POLG: variants seen among roughly 807,000 people sequenced by gnomAD.
The protein encoded by POLG is DNA polymerase gamma, catalytic subunit.
A neutral mutation model predicts 155.4 loss-of-function variants in POLG; 110 were observed. The ratio of observed to expected loss-of-function variants is 0.71; its 90% CI spans 0.61 to 0.83. POLG has a LOEUF of 0.83. Among genes scored for constraint, POLG ranks in the 40% least tolerant of loss-of-function variants. The probability of loss-of-function intolerance (pLI) is 0.00; values close to 1 mark genes in which losing one functional copy is unlikely to be tolerated. For synonymous variants in POLG, 701 were observed against 631.5 expected (o/e 1.11, Z -1.65); for missense variants, 1,685 against 1,627.5 (o/e 1.04, Z -0.61).
intron 6 of POLG, among the ~76,000 whole-genome samples, chr15:89,327,849 T>C (rs1241635505): frequency 1.3e-5 from 2 of 152,218 alleles, no homozygotes; most frequent in Non-Finnish European, 2.9e-5. Context: ...AGGATAGATA[T>C]CTTTATGATG....
At position 89,321,824 on chromosome 15, in the gene POLG, T is replaced by C. The variant is rs778190998; in HGVS notation, c.2510A>G (p.Tyr837Cys). 2.2e-5 allele frequency: 35 copies of C among 1,613,692 alleles called. 1 individual carries two copies. Among genetic ancestry groups the C allele is most frequent in the South Asian group, 6.6e-5 (6 of 91,076 alleles). Residue 837 changes from tyrosine (Y) to cysteine (C), a missense_variant, in exon 16 of 23, where the codon TAT becomes TGT. Tyr to Cys is a radical substitution (Grantham distance 194). This residue lies in a region of POLG where 1,210 missense variants were observed against 1,167.1 expected (regional missense o/e 1.04). Transcript: ENST00000268124. ...RHPDYDEEGL[Y>C]GAILPQVVTA... ...CACCACTTGGGGCAGGATGGCCCCA[T>C]AGAGGCCTTCCTCATCATAGTCGGG...
At chr15:89,325,326 CCT>C (rs2055499981) in intron 10 of POLG, 122 bp downstream of exon 10, 1 of 684,662 alleles carries the variant, frequency 1.5e-6, no homozygotes, top group Admixed American at 2.2e-5. Context: ...TAATTTTTTT[CCT>C]GTTTTCCCTT....
At position 89,317,439 on chromosome 15, in the gene POLG, T is replaced by C. The variant is rs751698400; in HGVS notation, c.3580A>G (p.Thr1194Ala). 6.2e-7 allele frequency: 1 copy of C among 1,614,078 alleles called. No homozygotes were observed. Among genetic ancestry groups the C allele is most frequent in the Non-Finnish European group, 8.5e-7 (1 of 1,179,958 alleles). The change falls in exon 22 of 23, where the codon ACC (threonine) becomes GCC (alanine). Residue 1194 changes from threonine to alanine, a missense_variant. Physicochemically the swap from Thr to Ala is moderately conservative, Grantham distance 58 (BLOSUM62 0). Transcript: ENST00000268124. Reference sequence around the variant, plus strand: ...TTGGAAGGGGTTTTACAATCCATGGTCACTTCCTTCCTGAGGCACCGGTCA... The same window carrying C: ...TTGGAAGGGGTTTTACAATCCATGGCCACTTCCTTCCTGAGGCACCGGTCA... ...DIDRCLRKEV[T>A]MDCKTPSNPT... is the part of the protein sequence containing the mutation.
chr15:89,330,170 G>A lies in POLG; in HGVS notation c.766C>T (p.Pro256Ser). 1 of 1,613,870 alleles carries A rather than the reference G, an allele frequency of 6.2e-7. No individual in the cohort carries two copies. The highest frequency in any genetic ancestry group is 8.5e-7 in the Non-Finnish European group (1 of 1,179,908). The part of the protein sequence containing the change: ...PLEVPTGASS[P>S]TQRDWQEQLV... The stretch of plus-strand genomic sequence containing the variant: ...TGCTCCTGCCAGTCTCTCTGGGTGG[G>A]GCTGCTGGCACCAGTAGGGACCTCC... Residue 256 changes from proline (P) to serine (S), a missense_variant, in exon 3 of 23, where the codon CCC (proline) becomes TCC (serine). Pro to Ser is a moderately conservative substitution (Grantham distance 74, BLOSUM62 -1). Transcript: ENST00000268124.
rs2307429 is a variant in POLG, at chr15:89,323,863, G to A, written c.2109C>T (p.Ala703=). 9.7e-5 allele frequency: 156 copies of A among 1,614,060 alleles called. No individual in the cohort carries two copies. The East Asian group carries it at 3.4e-3, about 35-fold the overall frequency. The change falls in exon 12 of 23, where the codon GCC becomes GCT. Residue 703 remains alanine (A), a synonymous_variant. Transcript: ENST00000268124. ...CTGCAGCTCGCAAGTTCTCCATCTT[G>A]GCCTCAGCCTCCACTTCTAAGTAAT... ...ELDYLEVEAE[A]KMENLRAAVP...
chr15:89,325,593 G>A lies in POLG; in HGVS notation c.1806C>T (p.Leu602=). Residue 602 remains leucine (L), a synonymous_variant, in exon 10 of 23, where the codon CTC becomes CTT. Transcript: ENST00000268124. ...LSLQMRVTPK[L]MALTWDGFPL... ...GGAAGCCATCCCAGGTAAGTGCCAT[G>A]AGTTTAGGTGTGACCCGCATCTGCA... The A allele has an allele frequency of 6.2e-7, 1 of 1,613,802 alleles. No homozygotes were observed.
chr15:89,328,596 T>C, intron 5 of POLG, 61 bp from the exon 6 acceptor site: 1 of 1,604,696 alleles, frequency 6.2e-7, no homozygotes, highest in Non-Finnish European at 8.5e-7. Context: ...CCACCAGCTC[T>C]CAGGGTCAGG....
intron 21 of POLG, chr15:89,317,758 A>AC (rs1413014894): frequency 3.8e-6 from 2 of 522,808 alleles, no homozygotes; most frequent in Non-Finnish European, 6.6e-6. Flanking sequence ...GACTCAACAT[A>AC]CTTTTTTTTT....
chr15:89,328,944 G>T lies in POLG; in HGVS notation c.1022C>A (p.Ala341Glu), dbSNP rs746639234. The change falls in exon 4 of 23, where the codon GCG becomes GAG. Residue 341 changes from alanine (A) to glutamate (E), a missense_variant and splice_region_variant. Transcript: ENST00000268124. ...TGCCCACCGGCAGTGTGCTCTCACC[G>T]CTGGGCCTCTTCTGGCTTTCCTCTG... Reference protein sequence around the residue: ...KSQRKARRGPAISSWDWLDIS... With the variant: ...KSQRKARRGPEISSWDWLDIS... 1.1e-5 allele frequency: 17 copies of T among 1,614,098 alleles called. No homozygotes were observed. The highest frequency in any genetic ancestry group is 1.4e-5 in the Non-Finnish European group (17 of 1,180,030).
chr15:89,323,564 A>C, intron 12 of POLG, 53 bp from the exon 13 acceptor site: 1 of 1,181,516 alleles, frequency 8.5e-7, no homozygotes, highest in Non-Finnish European at 1.3e-6. Context: ...TGCATTCAGC[A>C]AGGGCCATGG....
chr15:89,328,233 C>T (rs1366225635), intron 6 of POLG, among the ~76,000 whole-genome samples: 2 of 152,220 alleles, frequency 1.3e-5, no homozygotes, highest in Non-Finnish European at 2.9e-5. Flanking sequence ...GGACCGTGCA[C>T]ATGACACACA....
At chr15:89,327,917 ATTTTC>A (rs1003369839) in intron 6 of POLG, among the ~76,000 whole-genome samples, 1 of 151,986 alleles carries the variant, frequency 6.6e-6, no homozygotes, top group African/African-American at 2.4e-5. Flanking sequence ...TTCTTAATAC[ATTTTC>A]TTTTATCTAG....
chr15:89,324,359 C>A, intron 10 of POLG, 132 bp from the exon 11 acceptor site: 1 of 1,023,580 alleles, frequency 9.8e-7, no homozygotes, highest in East Asian at 2.6e-5. Context: ...AACCAGATAG[C>A]ACTTTCCCGG....
At chr15:89,332,843 T>A (rs2055612377) in intron 2 of POLG, among the ~76,000 whole-genome samples, 2 of 152,180 alleles carry the variant, frequency 1.3e-5, no homozygotes, top group Admixed American at 6.5e-5. Flanking sequence ...GAAGGTCTCA[T>A]GTACAGCGCT....
intron 11 of POLG, 69 bp downstream of exon 11, chr15:89,324,038 C>T: frequency 1.9e-6 from 3 of 1,606,454 alleles, no homozygotes; most frequent in Non-Finnish European, 2.6e-6. Context: ...CACCCAAAGG[C>T]TGCCCCTTCC....
At chr15:89,322,161 C>A in intron 14 of POLG, 146 bp from the exon 15 acceptor site, 1 of 806,876 alleles carries the variant, frequency 1.2e-6, no homozygotes, top group South Asian at 1.4e-5. Context: ...TGAGCCCTGG[C>A]TCAGCCAAGA....
rs999093874 is a variant in POLG, at chr15:89,323,580, G to C, written c.2158-69C>G. The C allele has an allele frequency of 7.5e-6, 8 of 1,072,058 alleles. No individual in the cohort carries two copies. The African/African-American group carries it at 9.3e-5, about 12-fold the overall frequency. 66.4% of individuals were successfully genotyped at this position (1,072,058 alleles called of 1,614,324 possible). A position where few individuals can be genotyped will look rare whatever the true frequency, so the allele number is the denominator to read the frequency against. On this transcript the variant is annotated intron_variant, in intron 12 of 22. Transcript: ENST00000268124. ...GCATTCAGCAAGGGCCATGGGGTAG[G>C]GGGTGGGAAAAGGGCCTGAAACTGT...
Position 89,316,645 on chromosome 15 carries a change from C to G in POLG, c.*106G>C. ...GTCCTGCTACTGAAAAATGGCTGGC[C>G]TTAGGCAAGCCCTTTTGCAAAAAGC... is the stretch of plus-strand genomic sequence containing the variant. On this transcript the variant is annotated 3_prime_UTR_variant, in exon 23 of 23. Transcript: ENST00000268124. The G allele has an allele frequency of 8.4e-7, 1 of 1,189,734 alleles. No individual in the cohort carries two copies. Among genetic ancestry groups the G allele is most frequent in the Non-Finnish European group, 1.3e-6 (1 of 798,060 alleles). The allele number at this position is 1,189,734 out of a possible 1,614,324, so 73.7% of individuals were successfully genotyped here. A position where few individuals can be genotyped will look rare whatever the true frequency, so the allele number is the denominator to read the frequency against.
In POLG at chr15:89,326,718, C is replaced by T. The variant is rs369549749; in HGVS notation, c.1606G>A (p.Glu536Lys). ...ATGACATCTTGTTGAAACTCCTCCTCCTCACTGCAGGGGCCGAGGTCTGTG... is the reference window on the plus strand; with the variant it reads ...ATGACATCTTGTTGAAACTCCTCCTTCTCACTGCAGGGGCCGAGGTCTGTG... ...DQEDLGPCSE[E>K]EEFQQDVMAR... is the part of the protein sequence containing the mutation. Residue 536 changes from glutamate (E) to lysine (K), a missense_variant, in exon 9 of 23, where the codon GAG becomes AAG. Glu to Lys is a moderately conservative substitution (Grantham distance 56, BLOSUM62 1). Coordinates refer to ENST00000268124, the MANE Select transcript of POLG (RefSeq NM_002693.3). 11 of 1,614,044 alleles carry T rather than the reference C, an allele frequency of 6.8e-6. No homozygotes were observed. Among genetic ancestry groups the T allele is most frequent in the African/African-American group, 1.3e-5 (1 of 74,910 alleles).
Sources: allele counts gnomAD v4.1 joint callset (sites outside exome capture counted in the v4.1 genomes callset), GRCh38; gene constraint gnomAD v4.1.1; regional missense constraint gnomAD v4.1.1; transcripts MANE v1.5; gene names NCBI Gene and HGNC (gene_info 2026-07-23, HGNC 2026-07-21).